Variants in CSMD1 observed in about 807,000 individuals in gnomAD.
The protein encoded by CSMD1 is CUB and sushi domain-containing protein 1.
CSMD1 carries 213 observed loss-of-function variants against 417.5 expected under a neutral mutation model. That is an observed-to-expected ratio of 0.51 (90% CI 0.46 to 0.57). CSMD1 has a LOEUF of 0.57. CSMD1 is among the 20% of genes least tolerant of loss of function. The probability of loss-of-function intolerance (pLI) is 0.00; values close to 1 mark genes in which losing one functional copy is unlikely to be tolerated. For missense variants in CSMD1, 6,923 were observed against 4,529.7 expected (o/e 1.53, Z -15.17); for synonymous variants, 2,862 against 1,736.8 (o/e 1.65, Z -16.11).
intron 8 of CSMD1, among the ~76,000 whole-genome samples, chr8:3,591,812 G>C (rs1408385549): frequency 1.3e-5 from 2 of 150,944 alleles, no homozygotes; most frequent in African/African-American, 4.8e-5. Context: ...AAGATGGATA[G>C]ACAGTGGATG....
chr8:3,533,639 C>T (rs1798070941), intron 10 of CSMD1, among the ~76,000 whole-genome samples: 1 of 152,128 alleles, frequency 6.6e-6, no homozygotes, highest in African/African-American at 2.4e-5. Context: ...CTGGAATCTC[C>T]CAGAGGCTCT....
At position 3,091,626 on chromosome 8, in the gene CSMD1, C is replaced by T; in HGVS notation, c.7175G>A (p.Ser2392Asn). ...ATTTGATTGTTCAGTATGATTCCCA[C>T]TTAAGACTACTAGCAGAGGACTTTG... ...SGQSPLLVVLSGNHTEQSNFT... is the reference protein window; with the variant it reads ...SGQSPLLVVLNGNHTEQSNFT... The change falls in exon 48 of 70, where the codon AGT becomes AAT. Residue 2392 changes from serine to asparagine, a missense_variant. Ser to Asn is a conservative substitution (Grantham distance 46). Transcript: ENST00000635120. 6.2e-7 allele frequency: 1 copy of T among 1,611,568 alleles called. No individual in the cohort carries two copies. The highest frequency in any genetic ancestry group is 8.5e-7 in the Non-Finnish European group (1 of 1,179,434).
chr8:4,342,779 C>A (rs144427919), intron 3 of CSMD1, among the ~76,000 whole-genome samples: 1 of 151,946 alleles, frequency 6.6e-6, no homozygotes, highest in African/African-American at 2.4e-5. Context: ...ATAATACAAG[C>A]TCAAGGGACT....
rs117793762 is a variant in CSMD1, at chr8:3,734,759, T to G, written c.931+19171A>C. Among the ~76,000 whole-genome samples the G allele has an allele frequency of 2.1e-3, 325 of 152,286 alleles. 3 individuals carry two copies. Among genetic ancestry groups the G allele is most frequent in the Non-Finnish European group, 4.0e-3 (271 of 68,022 alleles). ...CAGAAACTCTCCTAATGTGGCTGCTTCTTCTGTAATCAGATCTCTCTGCTC... is the reference window on the plus strand; with the variant it reads ...CAGAAACTCTCCTAATGTGGCTGCTGCTTCTGTAATCAGATCTCTCTGCTC... On this transcript the variant is annotated intron_variant, in intron 6 of 69. Coordinates refer to ENST00000635120, the MANE Select transcript of CSMD1 (RefSeq NM_033225.6).
At chr8:3,668,210 G>A (rs541759801) in intron 7 of CSMD1, among the ~76,000 whole-genome samples, 1 of 152,128 alleles carries the variant, frequency 6.6e-6, no homozygotes, top group Non-Finnish European at 1.5e-5. Context: ...AGGGAACATA[G>A]TAAAACTGAC....
chr8:3,582,392 C>T (rs1383403439), intron 9 of CSMD1, among the ~76,000 whole-genome samples: 1 of 152,098 alleles, frequency 6.6e-6, no homozygotes, highest in Admixed American at 6.5e-5. Context: ...ACTCAGGGTT[C>T]CTAAAAGTTG....
At chr8:3,655,551 G>A (rs959320513) in intron 7 of CSMD1, among the ~76,000 whole-genome samples, 1 of 152,022 alleles carries the variant, frequency 6.6e-6, no homozygotes, top group African/African-American at 2.4e-5. Flanking sequence ...AAACCCAACT[G>A]TGTAAGGTAC....
At chr8:3,643,076 G>A (rs1008897184) in intron 7 of CSMD1, among the ~76,000 whole-genome samples, 1 of 152,068 alleles carries the variant, frequency 6.6e-6, no homozygotes, top group African/African-American at 2.4e-5. Context: ...CGGCACGGGA[G>A]AGGGAGAGAG....
intron 26 of CSMD1, among the ~76,000 whole-genome samples, chr8:3,234,668 G>A (rs561284007): frequency 6.6e-6 from 1 of 152,198 alleles, no homozygotes; most frequent in Non-Finnish European, 1.5e-5. Flanking sequence ...TGGGAGAGCA[G>A]AGGAAGGCAG....
chr8:4,637,847 T>G (rs1223678213), intron 1 of CSMD1, among the ~76,000 whole-genome samples: 1 of 151,542 alleles, frequency 6.6e-6, no homozygotes, highest in Non-Finnish European at 1.5e-5. Context: ...ATTTTTTGTA[T>G]TTTTAGTAGA....
intron 2 of CSMD1, among the ~76,000 whole-genome samples, chr8:4,585,147 T>C (rs1799636309): frequency 1.3e-5 from 2 of 149,502 alleles, no homozygotes; most frequent in Non-Finnish European, 3.0e-5. Context: ...AGTGTAGATA[T>C]TAAAGTTAGC....
chr8:3,538,094 A>T (rs1798278439), intron 10 of CSMD1, among the ~76,000 whole-genome samples: 1 of 152,228 alleles, frequency 6.6e-6, no homozygotes, highest in Admixed American at 6.5e-5. Context: ...AGAGTTTTTA[A>T]AAGAGTGTTT....
chr8:3,111,817 G>A (rs1312912486), intron 42 of CSMD1, among the ~76,000 whole-genome samples: 1 of 151,984 alleles, frequency 6.6e-6, no homozygotes, highest in Non-Finnish European at 1.5e-5. Flanking sequence ...GGGTGACAGA[G>A]TCTCTGTCTC....
In CSMD1 at chr8:3,500,092, G is replaced by A. The variant is rs373148668; in HGVS notation, c.1345-6366C>T. Among the ~76,000 whole-genome samples the A allele has an allele frequency of 3.4e-4, 51 of 152,196 alleles. No individual in the cohort carries two copies. The South Asian group carries it at 0.01, about 31-fold the overall frequency. The stretch of plus-strand genomic sequence containing the variant: ...ACTTACCTTCTCCCTACAATCGGGA[G>A]TCCTTTTTTGGCACTGAACGGATCC... On this transcript the variant is annotated intron_variant, in intron 10 of 69. Transcript: ENST00000635120.
intron 2 of CSMD1, among the ~76,000 whole-genome samples, chr8:4,594,226 C>G (rs926465101): frequency 1.3e-5 from 1 of 75,194 alleles, no homozygotes; most frequent in African/African-American, 4.2e-5. Flanking sequence ...TTCTCTGAGA[C>G]GGGGTCTTGC....
chr8:4,254,689 A>G (rs571404519), intron 3 of CSMD1, among the ~76,000 whole-genome samples: 1 of 152,040 alleles, frequency 6.6e-6, no homozygotes, highest in Non-Finnish European at 1.5e-5. Context: ...TTCACTCCAT[A>G]TTTTTACCGT....
intron 5 of CSMD1, among the ~76,000 whole-genome samples, chr8:3,918,604 G>C (rs963788701): frequency 2.0e-5 from 3 of 152,088 alleles, no homozygotes; most frequent in African/African-American, 7.2e-5. Context: ...TGAATACGTG[G>C]TTTGCAATGT....
rs559292598 is a variant in CSMD1 at position 4,527,865 on chromosome 8, G to C, written c.303-107800C>G. 3.3e-5 allele frequency among the ~76,000 whole-genome samples: 5 copies of C among 152,298 alleles called. No homozygotes were observed. In the East Asian group the frequency reaches 9.7e-4, roughly 29 times the overall value. On this transcript the variant is annotated intron_variant, in intron 2 of 69. Coordinates refer to ENST00000635120, the MANE Select transcript of CSMD1 (RefSeq NM_033225.6). The stretch of plus-strand genomic sequence containing the variant: ...TGTCTTTAAATGGAATGACGTCTTA[G>C]TTCTATGAAATCAGACTTAACAGGG...
At chr8:3,266,412 C>T (rs997691440) in intron 26 of CSMD1, among the ~76,000 whole-genome samples, 21 of 151,494 alleles carry the variant, frequency 1.4e-4, no homozygotes, top group Admixed American at 3.3e-4. Context: ...TTGAGACCAG[C>T]CTGGCTAACA....
Sources: allele counts gnomAD v4.1 joint callset (sites outside exome capture counted in the v4.1 genomes callset), GRCh38; gene constraint gnomAD v4.1.1; transcripts MANE v1.5; gene names NCBI Gene and HGNC (gene_info 2026-07-23, HGNC 2026-07-21).